GRM8: variants seen among roughly 807,000 people sequenced by gnomAD.
The protein encoded by GRM8 is glutamate metabotropic receptor 8, also known as metabotropic glutamate receptor 8.
GRM8 carries 47 observed loss-of-function variants against 87.2 expected under a neutral mutation model. The ratio of observed to expected loss-of-function variants is 0.54; its 90% CI spans 0.43 to 0.69. The LOEUF (loss-of-function observed/expected upper bound fraction) is 0.69. GRM8 is among the 30% of genes least tolerant of loss of function. The pLI, the probability that GRM8 is intolerant of heterozygous loss-of-function variation, is 0.00. For synonymous variants in GRM8, 396 were observed against 404.5 expected, an observed-to-expected ratio of 0.98 and a Z score of 0.25; for missense variants, 1,019 against 1,139.2, an observed-to-expected ratio of 0.89 and a Z score of 1.52.
chr7:126,472,473 G>A (rs896521123), intron 9 of GRM8, among the ~76,000 whole-genome samples: 1 of 152,104 alleles, frequency 6.6e-6, no homozygotes, highest in African/African-American at 2.4e-5. Flanking sequence ...GATGTGACTT[G>A]GGTGCCCTTA....
chr7:126,665,770 T>C (rs748267740), intron 7 of GRM8, among the ~76,000 whole-genome samples: 25 of 151,754 alleles, frequency 1.6e-4, no homozygotes, highest in Non-Finnish European at 2.2e-4. Flanking sequence ...TAAAATATAA[T>C]ATTAAATTAT....
intron 3 of GRM8, among the ~76,000 whole-genome samples, chr7:127,048,198 C>A (rs1819129442): frequency 6.6e-6 from 1 of 151,768 alleles, no homozygotes; most frequent in Non-Finnish European, 1.5e-5. Context: ...AAAGGATATT[C>A]AGCAGGCCTC....
chr7:126,484,018 T>A (rs887490109), intron 9 of GRM8, among the ~76,000 whole-genome samples: 3 of 152,056 alleles, frequency 2.0e-5, no homozygotes, highest in Non-Finnish European at 4.4e-5. Flanking sequence ...TTTGGAAAAG[T>A]GCTTTGCTTC....
At chr7:126,881,245 G>A (rs1799995286) in intron 6 of GRM8, among the ~76,000 whole-genome samples, 1 of 152,180 alleles carries the variant, frequency 6.6e-6, no homozygotes, top group Non-Finnish European at 1.5e-5. Context: ...CCAAAGGATA[G>A]CAATGGTGAG....
At chr7:126,974,330 G>A (rs147140189) in intron 3 of GRM8, among the ~76,000 whole-genome samples, 1 of 152,100 alleles carries the variant, frequency 6.6e-6, no homozygotes, top group African/African-American at 2.4e-5. Context: ...TAAATAAGTA[G>A]ATTTAGTTGC....
chr7:126,626,577 T>G (rs1198362741), intron 7 of GRM8, among the ~76,000 whole-genome samples: 1 of 152,198 alleles, frequency 6.6e-6, no homozygotes, highest in Non-Finnish European at 1.5e-5. Context: ...TCCTGTTGCA[T>G]TCACCATTTG....
chr7:127,087,361 C>A (rs527544160), intron 3 of GRM8, among the ~76,000 whole-genome samples: 1 of 152,246 alleles, frequency 6.6e-6, no homozygotes, highest in East Asian at 1.9e-4. Context: ...AGTATGAGAC[C>A]AATATACCTT....
At chr7:126,846,504 T>C (rs1290484377) in intron 6 of GRM8, among the ~76,000 whole-genome samples, 1 of 152,226 alleles carries the variant, frequency 6.6e-6, no homozygotes, top group Non-Finnish European at 1.5e-5. Context: ...GGCTATGCTA[T>C]TCTAAGAAAA....
At chr7:127,066,483 A>G (rs555659560) in intron 3 of GRM8, among the ~76,000 whole-genome samples, 3 of 152,332 alleles carry the variant, frequency 2.0e-5, no homozygotes, top group Admixed American at 2.0e-4. Flanking sequence ...TTTGATACTC[A>G]AATCAAACCT....
chr7:126,962,931 C>T (rs1314463425), intron 3 of GRM8, among the ~76,000 whole-genome samples: 1 of 152,188 alleles, frequency 6.6e-6, no homozygotes, highest in African/African-American at 2.4e-5. Context: ...CACCTCTCCA[C>T]TAATGAAAAC....
chr7:127,225,005 C>G (rs1423700534), intron 2 of GRM8, among the ~76,000 whole-genome samples: 1 of 152,046 alleles, frequency 6.6e-6, no homozygotes, highest in Non-Finnish European at 1.5e-5. Context: ...GTTTAAAAAG[C>G]CATGTCAAAA....
intron 8 of GRM8, among the ~76,000 whole-genome samples, chr7:126,576,106 C>G (rs1795094767): frequency 6.6e-6 from 1 of 152,070 alleles, no homozygotes; most frequent in African/African-American, 2.4e-5. Context: ...AGTCAATGCC[C>G]CATGTAGACA....
intron 7 of GRM8, among the ~76,000 whole-genome samples, chr7:126,668,319 G>C (rs941705091): frequency 5.3e-5 from 8 of 152,156 alleles, no homozygotes; most frequent in Non-Finnish European, 1.0e-4. Flanking sequence ...GAAAAGTCCT[G>C]AAACATTTTT....
chr7:127,223,737 A>G (rs76787033), intron 2 of GRM8, among the ~76,000 whole-genome samples: 5,259 of 152,240 alleles, frequency 0.035, 127 homozygotes, highest in Non-Finnish European at 0.055. Context: ...GGAGAACCAT[A>G]ACAGGACTCC....
At chr7:127,081,543 A>G (rs1201239920) in intron 3 of GRM8, among the ~76,000 whole-genome samples, 1 of 151,878 alleles carries the variant, frequency 6.6e-6, no homozygotes, top group African/African-American at 2.4e-5. Flanking sequence ...TCTCTCTCCC[A>G]CTAACCTGGA....
In GRM8 at chr7:126,477,573, A is replaced by AAGAG. The variant is rs1274921438; in HGVS notation, c.2431-31202_2431-31201insCTCT. Reference sequence around the variant, plus strand: ...AAAGGAGAAGTAAGAGAAAGAAAGAAAGAAAGAGAGAAAGAAAGAAAGAAA... The same window carrying AAGAG: ...AAAGGAGAAGTAAGAGAAAGAAAGAAAGAGAGAAAGAGAGAAAGAAAGAAAGAAA... On this transcript the variant is annotated intron_variant, in intron 9 of 10. Transcript: ENST00000339582. Among the ~76,000 whole-genome samples the AAGAG allele has an allele frequency of 1.6e-3, 182 of 113,022 alleles. 1 individual carries two copies. The highest frequency in any genetic ancestry group is 6.8e-3 in the African/African-American group (166 of 24,492). The allele number at this position is 113,022 out of a possible 152,430, so 74.1% of individuals were successfully genotyped here.
intron 3 of GRM8, among the ~76,000 whole-genome samples, chr7:127,031,697 AT>A (rs1382363913): frequency 6.6e-6 from 1 of 152,170 alleles, no homozygotes; most frequent in Non-Finnish European, 1.5e-5. Flanking sequence ...TCATAAAAAA[AT>A]CATCGAGTTA....
chr7:126,617,172 T>A (rs1350067483), intron 7 of GRM8, among the ~76,000 whole-genome samples: 1 of 152,148 alleles, frequency 6.6e-6, no homozygotes, highest in East Asian at 1.9e-4. Flanking sequence ...AAAAAGTTTA[T>A]CCACCATGAT....
chr7:126,874,302 G>C (rs1453576664), intron 6 of GRM8, among the ~76,000 whole-genome samples: 1 of 152,012 alleles, frequency 6.6e-6, no homozygotes, highest in African/African-American at 2.4e-5. Flanking sequence ...CACAAGTTCA[G>C]ATGTGACTTA....
Sources: gnomAD v4.1 joint callset for allele counts (sites outside exome capture counted in the v4.1 genomes callset) on GRCh38, gnomAD v4.1.1 for gene constraint, MANE v1.5 for transcripts, NCBI Gene and HGNC (gene_info 2026-07-23, HGNC 2026-07-21) for gene names.